The following ZMYND11 variants were observed in gnomAD, a reference collection of about 807,000 sequenced individuals.
ZMYND11 encodes the protein zinc finger MYND-type containing 11.
In ZMYND11, 9 loss-of-function variants were observed where a neutral mutation model predicts 84.9. The observed-to-expected ratio is 0.11, with a 90% CI of 0.06 to 0.18. ZMYND11 has a LOEUF of 0.18. Ranked by LOEUF, ZMYND11 falls within the 10% of genes least tolerant of loss-of-function variation. The probability of loss-of-function intolerance (pLI) is 1.00; values close to 1 mark genes in which losing one functional copy is unlikely to be tolerated. For missense variants in ZMYND11, 409 were observed against 761.0 expected (o/e 0.54, Z 5.44); for synonymous variants, 250 against 244.1 (o/e 1.02, Z -0.23).
chr10:170,483 GA>G, intron 1 of ZMYND11, among the ~76,000 whole-genome samples: 1 of 150,770 alleles, frequency 6.6e-6, no homozygotes, highest in East Asian at 2.0e-4. Flanking sequence ...TAAAATGAAT[GA>G]CAGTTTATGT....
upstream of ZMYND11, chr10:135,106 C>G (rs1835600983): frequency 2.0e-5 from 3 of 149,962 alleles, no homozygotes; most frequent in South Asian, 6.3e-4. The surrounding 1 kb of genome is among the most constrained non-coding windows in gnomAD (Gnocchi z 5.6). Flanking sequence ...GAGCGGCTGC[C>G]GCGGCTTCGC....
At chr10:248,298 G>C (rs1017376383) in intron 12 of ZMYND11, 38 bp from the exon 13 acceptor site, 2 of 1,590,834 alleles carry the variant, frequency 1.3e-6, no homozygotes, top group African/African-American at 2.7e-5. Context: ...GAATTATGTG[G>C]CTTCGTTTGG....
chr10:162,331 GTC>G (rs1843106974), intron 1 of ZMYND11, among the ~76,000 whole-genome samples: 1 of 152,134 alleles, frequency 6.6e-6, no homozygotes, highest in Non-Finnish European at 1.5e-5. Flanking sequence ...TAATGGAAAA[GTC>G]TGAAATATTG....
intron 1 of ZMYND11, among the ~76,000 whole-genome samples, chr10:177,720 T>C (rs1846966203): frequency 6.6e-6 from 1 of 152,156 alleles, no homozygotes; most frequent in Non-Finnish European, 1.5e-5. Context: ...TTCTTACATA[T>C]CATGAATTGT....
chr10:132,200 G>A (rs561060257), upstream of ZMYND11, among the ~76,000 whole-genome samples: 4 of 151,442 alleles, frequency 2.6e-5, no homozygotes, highest in African/African-American at 4.8e-5. Context: ...GGGGCAACCC[G>A]TTCGGGTCCC....
At chr10:250,910 C>G (rs1953331925) in intron 14 of ZMYND11, among the ~76,000 whole-genome samples, 3 of 151,886 alleles carry the variant, frequency 2.0e-5, no homozygotes, top group Admixed American at 1.3e-4. Context: ...GAAACCCCAG[C>G]TACTTGAGAG....
chr10:238,316 T>C (rs1337090168), intron 6 of ZMYND11, among the ~76,000 whole-genome samples: 1 of 152,144 alleles, frequency 6.6e-6, no homozygotes, highest in Non-Finnish European at 1.5e-5. Context: ...TTATAGCCTA[T>C]AGGGAGACCA....
intron 12 of ZMYND11, 146 bp from the exon 13 acceptor site, chr10:248,190 A>G (rs1035649078): frequency 2.0e-6 from 2 of 981,674 alleles, no homozygotes; most frequent in South Asian, 2.0e-5. Flanking sequence ...TATACGTGAC[A>G]TCTACCACCC....
At chr10:184,808 C>T (rs1438548600) in intron 2 of ZMYND11, among the ~76,000 whole-genome samples, 1 of 152,048 alleles carries the variant, frequency 6.6e-6, no homozygotes, top group Non-Finnish European at 1.5e-5. Context: ...ATTTATGGCT[C>T]TAAAGTTCTC....
At chr10:171,471 C>G (rs1845309516) in intron 1 of ZMYND11, among the ~76,000 whole-genome samples, 1 of 152,060 alleles carries the variant, frequency 6.6e-6, no homozygotes, top group African/African-American at 2.4e-5. Flanking sequence ...TGCTGTCAGA[C>G]CACAGTGGAA....
chr10:207,561 G>A (rs564961135), intron 2 of ZMYND11, among the ~76,000 whole-genome samples: 1 of 152,148 alleles, frequency 6.6e-6, no homozygotes, highest in South Asian at 2.1e-4. Context: ...TCTCATTGTG[G>A]TTTTGATTGG....
At chr10:215,225 TC>T (rs1481358175) in intron 3 of ZMYND11, among the ~76,000 whole-genome samples, 2 of 152,184 alleles carry the variant, frequency 1.3e-5, no homozygotes, top group African/African-American at 2.4e-5. Context: ...AAACTACTTC[TC>T]CCTTTACTTA....
chr10:192,295 G>A (rs182699029), intron 2 of ZMYND11, among the ~76,000 whole-genome samples: 6 of 152,306 alleles, frequency 3.9e-5, no homozygotes, highest in Non-Finnish European at 7.4e-5. Flanking sequence ...GTGAGGCACT[G>A]GACTACATTT....
At chr10:182,457 T>C (rs1054352088) in intron 2 of ZMYND11, among the ~76,000 whole-genome samples, 22 of 152,208 alleles carry the variant, frequency 1.4e-4, no homozygotes, top group Non-Finnish European at 2.2e-4. Flanking sequence ...TATGAATAAA[T>C]TTATTTACCT....
chr10:232,265 T>A (rs1444688130), intron 4 of ZMYND11, among the ~76,000 whole-genome samples: 1 of 152,194 alleles, frequency 6.6e-6, no homozygotes, highest in East Asian at 1.9e-4. Flanking sequence ...CCACAGAAAG[T>A]GGCTCCACGG....
chr10:133,126 T>C (rs1462931398), upstream of ZMYND11, among the ~76,000 whole-genome samples: 1 of 152,116 alleles, frequency 6.6e-6, no homozygotes, highest in Non-Finnish European at 1.5e-5. Context: ...TTCAAGAGAG[T>C]TGACATCAAC....
intron 1 of ZMYND11, among the ~76,000 whole-genome samples, chr10:171,845 C>T (rs1224677251): frequency 2.6e-5 from 4 of 152,330 alleles, no homozygotes; most frequent in South Asian, 2.1e-4. Context: ...CCTCACCACA[C>T]TGCCTTTCAA....
intron 1 of ZMYND11, among the ~76,000 whole-genome samples, chr10:178,471 A>G (rs906575660): frequency 2.6e-5 from 4 of 152,244 alleles, no homozygotes; most frequent in African/African-American, 9.6e-5. Context: ...AATTCCTTCC[A>G]TTAAGGCATA....
intron 1 of ZMYND11, among the ~76,000 whole-genome samples, chr10:150,107 C>T (rs937591678): frequency 6.6e-6 from 1 of 152,166 alleles, no homozygotes; most frequent in African/African-American, 2.4e-5. Flanking sequence ...GCGTTGGTAT[C>T]AGGATGATGC....
Sources: gnomAD v4.1 joint callset for allele counts (sites outside exome capture counted in the v4.1 genomes callset) on GRCh38, gnomAD v4.1.1 for gene constraint, Gnocchi (gnomAD v3.1) non-coding constraint, MANE v1.5 for transcripts, NCBI Gene and HGNC (gene_info 2026-07-23, HGNC 2026-07-21) for gene names.